The following TLL1 variants were observed in gnomAD, a reference collection of about 807,000 sequenced individuals.
The protein encoded by TLL1 is tolloid-like protein 1.
A neutral mutation model predicts 128.2 loss-of-function variants in TLL1; 49 were observed. The observed-to-expected ratio is 0.38, with a 90% CI of 0.30 to 0.48. The LOEUF (loss-of-function observed/expected upper bound fraction) is 0.48, where lower values mean the gene tolerates loss of function less well. Ranked by LOEUF, TLL1 falls within the 20% of genes least tolerant of loss-of-function variation. The probability of loss-of-function intolerance (pLI) is 0.96; values close to 1 mark genes in which losing one functional copy is unlikely to be tolerated. For synonymous variants in TLL1, 454 were observed against 418.8 expected (o/e 1.08, Z -1.03); for missense variants, 1,123 against 1,242.0 (o/e 0.90, Z 1.44).
chr4:165,890,570 G>A (rs927655133), intron 1 of TLL1, among the ~76,000 whole-genome samples: 1 of 152,210 alleles, frequency 6.6e-6, no homozygotes, highest in Non-Finnish European at 1.5e-5. Flanking sequence ...ATCAAGGGGG[G>A]CAGTCAAATC....
At chr4:166,072,625 T>G (rs189820345) in intron 16 of TLL1, among the ~76,000 whole-genome samples, 143 of 152,082 alleles carry the variant, frequency 9.4e-4, no homozygotes, top group African/African-American at 3.2e-3. Context: ...CTCAAAAATA[T>G]GAGCAAAGGA....
intron 1 of TLL1, among the ~76,000 whole-genome samples, chr4:165,937,853 ACC>A (rs11340655): frequency 1.7e-3 from 98 of 58,936 alleles, no homozygotes; most frequent in African/African-American, 3.4e-3. Flanking sequence ...TCCCTTCCCC[ACC>A]CCCCCCCCAA....
At chr4:166,092,137 A>C (rs1353650732) in intron 19 of TLL1, among the ~76,000 whole-genome samples, 3 of 152,110 alleles carry the variant, frequency 2.0e-5, no homozygotes, top group Non-Finnish European at 4.4e-5. Context: ...ACACGGGAGA[A>C]ATTTGCCTTG....
At chr4:166,020,812 A>G (rs1316255522) in intron 8 of TLL1, among the ~76,000 whole-genome samples, 1 of 152,154 alleles carries the variant, frequency 6.6e-6, no homozygotes, top group Non-Finnish European at 1.5e-5. Flanking sequence ...GTATAACATA[A>G]ATTGATAATC....
intron 12 of TLL1, among the ~76,000 whole-genome samples, chr4:166,054,457 C>T (rs1739904620): frequency 1.3e-5 from 2 of 151,748 alleles, no homozygotes; most frequent in Non-Finnish European, 1.5e-5. Context: ...GGTACATGTG[C>T]ACATTGCGCA....
Position 166,101,568 on chromosome 4 carries a change from ATCAGTTCTTTAAGTC to A in TLL1, c.*697_*711del, listed in dbSNP as rs1161574588. ...TAATTATTGCAGTTAAATTCTAGACATCAGTTCTTTAAGTCTCAGAAAACGCCCAGTGAATTGGTA... is the reference window on the plus strand; with the variant it reads ...TAATTATTGCAGTTAAATTCTAGACATCAGAAAACGCCCAGTGAATTGGTA... On this transcript the variant is annotated 3_prime_UTR_variant, in exon 21 of 21. Coordinates refer to ENST00000061240, the MANE Select transcript of TLL1 (RefSeq NM_012464.5). 6.6e-6 allele frequency: 1 copy of A among 152,450 alleles called. No homozygotes were observed. The highest frequency in any genetic ancestry group is 2.4e-5 in the African/African-American group (1 of 41,458). 9.4% of individuals were successfully genotyped at this position (152,450 alleles called of 1,614,324 possible).
At chr4:166,030,931 T>C (rs1337892930) in intron 9 of TLL1, 36 of 980,956 alleles carry the variant, frequency 3.7e-5, no homozygotes, top group Non-Finnish European at 4.2e-5. Flanking sequence ...CACATTTAAC[T>C]TTGTTTTAAA....
Position 166,102,555 on chromosome 4 carries a change from T to A in TLL1, c.*1679T>A, listed in dbSNP as rs1467672480. Reference sequence around the variant, plus strand: ...CCCATTAAAAAAAGGCTCTTTCCTTTAGAGAAACTCTATTTTGATGTCAAT... The same window carrying A: ...CCCATTAAAAAAAGGCTCTTTCCTTAAGAGAAACTCTATTTTGATGTCAAT... On this transcript the variant is annotated 3_prime_UTR_variant, in exon 21 of 21. Coordinates refer to ENST00000061240, the MANE Select transcript of TLL1 (RefSeq NM_012464.5). 6.6e-6 allele frequency: 1 copy of A among 152,316 alleles called. No homozygotes were observed. Among genetic ancestry groups the A allele is most frequent in the Non-Finnish European group, 1.5e-5 (1 of 67,884 alleles). 9.4% of individuals were successfully genotyped at this position (152,316 alleles called of 1,614,324 possible). A position where few individuals can be genotyped will look rare whatever the true frequency, so the allele number is the denominator to read the frequency against.
chr4:166,065,907 A>T (rs570995145), intron 16 of TLL1, 44 bp downstream of exon 16: 4 of 1,591,228 alleles, frequency 2.5e-6, no homozygotes, highest in Admixed American at 1.7e-5. Flanking sequence ...CAGATTTTCA[A>T]TGTGGGTTGG....
intron 1 of TLL1, among the ~76,000 whole-genome samples, chr4:165,902,600 G>T (rs922109800): frequency 6.6e-6 from 1 of 152,062 alleles, no homozygotes. Context: ...CTTGCCTTCC[G>T]TGGGCTGCAT....
chr4:166,010,997 C>T (rs559739845), intron 7 of TLL1, among the ~76,000 whole-genome samples: 32 of 151,048 alleles, frequency 2.1e-4, no homozygotes, highest in Middle Eastern at 3.4e-3. Flanking sequence ...TTTTATTTCA[C>T]CCGTCTATAG....
rs979539788 is a variant in TLL1, at chr4:166,043,788, T to C, written c.1524+369T>C. Among the ~76,000 whole-genome samples the C allele has an allele frequency of 2.0e-5, 3 of 149,826 alleles. No individual in the cohort carries two copies. The East Asian group carries it at 5.9e-4, about 29-fold the overall frequency. ...AGATTAAAAGGTAGAAAGTCTTTTT[T>C]GTAAGAGGAACAAAACATTTTTCAC... On this transcript the variant is annotated intron_variant, in intron 12 of 20. Transcript: ENST00000061240.
chr4:165,998,663 G>A (rs1392637004), intron 5 of TLL1, among the ~76,000 whole-genome samples: 1 of 151,928 alleles, frequency 6.6e-6, no homozygotes, highest in Non-Finnish European at 1.5e-5. Context: ...CGGGCGTGGT[G>A]GCGGGTGCTT....
intron 18 of TLL1, among the ~76,000 whole-genome samples, chr4:166,090,896 T>A (rs1741738532): frequency 6.6e-6 from 1 of 152,066 alleles, no homozygotes; most frequent in African/African-American, 2.4e-5. Context: ...GAATTGGTTT[T>A]AATAGCCAAA....
intron 20 of TLL1, among the ~76,000 whole-genome samples, chr4:166,099,828 T>C (rs1742209233): frequency 6.6e-6 from 1 of 152,132 alleles, no homozygotes. Context: ...ATACTTAATC[T>C]AACAGCAGCA....
At chr4:166,029,390 T>C (rs902183978) in intron 9 of TLL1, among the ~76,000 whole-genome samples, 2 of 152,060 alleles carry the variant, frequency 1.3e-5, no homozygotes, top group South Asian at 2.1e-4. Context: ...TGTTGATACC[T>C]TTTTTTAATC....
At chr4:166,015,557 A>G (rs1481463715) in intron 8 of TLL1, among the ~76,000 whole-genome samples, 1 of 152,014 alleles carries the variant, frequency 6.6e-6, no homozygotes, top group Non-Finnish European at 1.5e-5. Flanking sequence ...AGTCCAGGGA[A>G]CTTTTAGGCC....
chr4:165,992,987 A>C, intron 3 of TLL1, 103 bp downstream of exon 3: 2 of 973,908 alleles, frequency 2.1e-6, no homozygotes, highest in Non-Finnish European at 3.2e-6. Context: ...TATGATGTGA[A>C]GTATGTAAAT....
chr4:165,964,424 G>C (rs948603569), intron 1 of TLL1, among the ~76,000 whole-genome samples: 1 of 152,110 alleles, frequency 6.6e-6, no homozygotes, highest in South Asian at 2.1e-4. Flanking sequence ...ATGCCTCTAG[G>C]TATGTTTGTC....
Sources: allele counts gnomAD v4.1 joint callset (sites outside exome capture counted in the v4.1 genomes callset), GRCh38; gene constraint gnomAD v4.1.1; transcripts MANE v1.5; gene names NCBI Gene and HGNC (gene_info 2026-07-23, HGNC 2026-07-21).